Variants in SLIT3 observed in about 807,000 individuals in gnomAD.
SLIT3 encodes slit guidance ligand 3.
SLIT3 carries 68 observed loss-of-function variants against 184.0 expected under a neutral mutation model. The observed-to-expected ratio is 0.37, with a 90% CI of 0.30 to 0.45. The LOEUF is 0.45. SLIT3 is among the 20% of genes least tolerant of loss of function. The probability of loss-of-function intolerance (pLI) is 1.00; values close to 1 mark genes in which losing one functional copy is unlikely to be tolerated. For missense variants in SLIT3, 1,707 were observed against 2,026.0 expected (o/e 0.84, Z 3.02); for synonymous variants, 831 against 828.6 (o/e 1.00, Z -0.05).
chr5:168,851,958 A>AG (rs1758696383), intron 5 of SLIT3, among the ~76,000 whole-genome samples: 1 of 152,202 alleles, frequency 6.6e-6, no homozygotes, highest in Admixed American at 6.5e-5. Flanking sequence ...TGACAAGGCC[A>AG]GGGGGAGCCT....
At chr5:168,892,447 A>G (rs1465387363) in intron 4 of SLIT3, among the ~76,000 whole-genome samples, 1 of 152,246 alleles carries the variant, frequency 6.6e-6, no homozygotes, top group Non-Finnish European at 1.5e-5. Context: ...AAGGAGGGAA[A>G]AAGTCTTCAG....
At position 168,662,403 on chromosome 5, in the gene SLIT3, G is replaced by A. The variant is rs1470410621; in HGVS notation, c.*4051C>T. ...TTGTTTCTGGTGAAGGGAAAGGTTAGATCATCCTGGTCCTGGCCTTTCCTG... is the reference window on the plus strand; with the variant it reads ...TTGTTTCTGGTGAAGGGAAAGGTTAAATCATCCTGGTCCTGGCCTTTCCTG... On this transcript the variant is annotated 3_prime_UTR_variant, in exon 36 of 36. Transcript: ENST00000519560. The A allele has an allele frequency of 6.6e-6, 1 of 152,200 alleles. No homozygotes were observed. The highest frequency in any genetic ancestry group is 1.5e-5 in the Non-Finnish European group (1 of 68,074). The allele number at this position is 152,200 out of a possible 1,614,324, so 9.4% of individuals were successfully genotyped here.
intron 3 of SLIT3, among the ~76,000 whole-genome samples, chr5:169,237,635 T>C (rs1367045513): frequency 6.6e-6 from 1 of 152,168 alleles, no homozygotes; most frequent in East Asian, 1.9e-4. Context: ...TACACACCTA[T>C]TTGCATCACC....
rs1333044246 is a variant in SLIT3 at position 168,666,257 on chromosome 5, A to AAGATGAAAATAGTCACTTTC, written c.*177_*196dup. The AAGATGAAAATAGTCACTTTC allele has an allele frequency of 4.1e-6, 2 of 487,142 alleles. No individual in the cohort carries two copies. The highest frequency in any genetic ancestry group is 3.9e-5 in the African/African-American group (2 of 51,660). The allele number at this position is 487,142 out of a possible 1,614,324, so 30.2% of individuals were successfully genotyped here. On this transcript the variant is annotated 3_prime_UTR_variant, in exon 36 of 36. Transcript: ENST00000519560. ...ATGGTGTAATATATTTATATAATAA[A>AAGATGAAAATAGTCACTTTC]AGATGAAAATAGTCACTTTCCATAA...
chr5:168,817,234 T>G, intron 8 of SLIT3, 66 bp downstream of exon 8: 2 of 1,452,552 alleles, frequency 1.4e-6, no homozygotes, highest in South Asian at 1.2e-5. Context: ...GTCAGGGTGA[T>G]GTTGTGGGAG....
chr5:169,099,390 A>G (rs1759921623), intron 4 of SLIT3, among the ~76,000 whole-genome samples: 2 of 151,966 alleles, frequency 1.3e-5, no homozygotes, highest in Admixed American at 1.3e-4. Context: ...ATCATTCCTT[A>G]ATTCAATGAA....
intron 4 of SLIT3, among the ~76,000 whole-genome samples, chr5:169,078,250 C>A (rs992692496): frequency 6.6e-6 from 1 of 152,178 alleles, no homozygotes; most frequent in Non-Finnish European, 1.5e-5. Context: ...CCAACGCAAA[C>A]CAGCCAAAAG....
chr5:168,740,612 C>CT (rs1763596173), intron 20 of SLIT3, among the ~76,000 whole-genome samples: 1 of 152,282 alleles, frequency 6.6e-6, no homozygotes, highest in African/African-American at 2.4e-5. Context: ...CCAGCTTTCA[C>CT]TTTCTTTGAC....
At chr5:169,108,656 G>A (rs1760303536) in intron 4 of SLIT3, among the ~76,000 whole-genome samples, 1 of 152,240 alleles carries the variant, frequency 6.6e-6, no homozygotes, top group South Asian at 2.1e-4. Context: ...GCTCTTGGTG[G>A]ATGGGGTAGC....
At chr5:169,001,499 T>G (rs766877465) in intron 4 of SLIT3, among the ~76,000 whole-genome samples, 1 of 152,112 alleles carries the variant, frequency 6.6e-6, no homozygotes, top group Non-Finnish European at 1.5e-5. Context: ...CCTCCTTAAG[T>G]GTTACAATGG....
At position 168,666,587 on chromosome 5, in the gene SLIT3, C is replaced by T; in HGVS notation, c.4439G>A (p.Gly1480Glu). ...CTGGCAGCACTGGGGCCCACAGCCC[C>T]CACGACATTCCATGATGGGCACCTT... ...ASKVPIMECR[G>E]GCGPQCCQPT... is the part of the protein sequence containing the mutation. The change falls in exon 36 of 36, where the codon GGG (glycine) becomes GAG (glutamate). Residue 1480 changes from glycine to glutamate, a missense_variant. By Grantham distance (98) the Gly-to-Glu change is moderately conservative. Transcript: ENST00000519560. 1 of 1,614,190 alleles carries T rather than the reference C, an allele frequency of 6.2e-7. No individual in the cohort carries two copies.
chr5:168,914,400 G>A (rs967530008), intron 4 of SLIT3, among the ~76,000 whole-genome samples: 2 of 152,190 alleles, frequency 1.3e-5, no homozygotes, highest in Non-Finnish European at 1.5e-5. Flanking sequence ...ATTAAATCAT[G>A]GTCAGAGAGA....
At chr5:168,817,503 T>C in intron 7 of SLIT3, 40 bp from the exon 8 acceptor site, 2 of 1,600,612 alleles carry the variant, frequency 1.2e-6, no homozygotes, top group Non-Finnish European at 1.7e-6. Flanking sequence ...TGGTCACAGG[T>C]GAAGTGTGGA....
intron 26 of SLIT3, among the ~76,000 whole-genome samples, chr5:168,702,032 G>A (rs1156752382): frequency 2.0e-5 from 3 of 152,222 alleles, no homozygotes; most frequent in Non-Finnish European, 4.4e-5. Context: ...GGCCATGTCC[G>A]TCTGGTTCCC....
intron 4 of SLIT3, among the ~76,000 whole-genome samples, chr5:169,159,741 A>G (rs563571562): frequency 1.3e-5 from 2 of 152,286 alleles, no homozygotes; most frequent in Non-Finnish European, 2.9e-5. Context: ...GCACCACTGC[A>G]CTCCAGCCTG....
At chr5:168,738,032 G>T (rs550974517) in intron 20 of SLIT3, among the ~76,000 whole-genome samples, 2 of 152,100 alleles carry the variant, frequency 1.3e-5, no homozygotes, top group Admixed American at 1.3e-4. Context: ...TAGGAACTTC[G>T]TGCTGACTTA....
intron 4 of SLIT3, among the ~76,000 whole-genome samples, chr5:169,054,852 C>CAA (rs1165506995): frequency 6.6e-6 from 1 of 152,150 alleles, no homozygotes; most frequent in Non-Finnish European, 1.5e-5. Context: ...CTGAAGGCCT[C>CAA]CCTGGAAACC....
At chr5:168,877,329 A>G (rs1759768517) in intron 5 of SLIT3, among the ~76,000 whole-genome samples, 1 of 152,116 alleles carries the variant, frequency 6.6e-6, no homozygotes, top group Admixed American at 6.5e-5. Flanking sequence ...GTAGCATCTT[A>G]TGTTAAGGGA....
chr5:168,666,745 G>A (rs1561863727), intron 35 of SLIT3, 56 bp from the exon 36 acceptor site: 5 of 1,612,080 alleles, frequency 3.1e-6, no homozygotes, highest in East Asian at 2.2e-5. Flanking sequence ...GCAGGACCAT[G>A]AGCAGTTCCC....
Sources: gnomAD v4.1 joint callset for allele counts (sites outside exome capture counted in the v4.1 genomes callset) on GRCh38, gnomAD v4.1.1 for gene constraint, MANE v1.5 for transcripts, NCBI Gene and HGNC (gene_info 2026-07-23, HGNC 2026-07-21) for gene names.